LRP1B: variants seen among roughly 807,000 people sequenced by gnomAD.
LRP1B encodes the protein LDL receptor related protein 1B, also known as low-density lipoprotein receptor-related protein 1B.
In LRP1B, 217 loss-of-function variants were observed where a neutral mutation model predicts 556.6. That is an observed-to-expected ratio of 0.39 (90% CI 0.35 to 0.44). LRP1B has a LOEUF of 0.44. LRP1B is among the 20% of genes least tolerant of loss of function. The pLI is 1.00. For synonymous variants in LRP1B, 2,047 were observed against 1,865.8 expected (o/e 1.10, Z -2.50); for missense variants, 5,053 against 5,620.8 (o/e 0.90, Z 3.23).
intron 3 of LRP1B, among the ~76,000 whole-genome samples, chr2:141,296,344 G>A (rs1007442823): frequency 2.6e-5 from 4 of 152,106 alleles, no homozygotes; most frequent in Admixed American, 1.3e-4. Context: ...CAAGAGATAA[G>A]TATTTTCATG....
intron 2 of LRP1B, among the ~76,000 whole-genome samples, chr2:141,582,469 C>A (rs1484502884): frequency 1.3e-5 from 2 of 152,138 alleles, no homozygotes; most frequent in African/African-American, 4.8e-5. Context: ...TAGATAGTGT[C>A]TGTAGATTGA....
At chr2:141,135,220 C>G (rs570862893) in intron 7 of LRP1B, among the ~76,000 whole-genome samples, 1 of 151,898 alleles carries the variant, frequency 6.6e-6, no homozygotes, top group African/African-American at 2.4e-5. Context: ...AAAACTGTCT[C>G]CTTTTAAAAA....
In LRP1B at chr2:141,571,404, G is replaced by A. The variant is rs7576298; in HGVS notation, c.206-90871C>T. ...CAACAACAACAAAAAATGCCCCAAC[G>A]AAAACCTCATCCAAGGGTCAGCATG... On this transcript the variant is annotated intron_variant, in intron 2 of 90. Coordinates refer to ENST00000389484, the MANE Select transcript of LRP1B (RefSeq NM_018557.3). Among the ~76,000 whole-genome samples, 199 of 151,076 alleles carry A rather than the reference G, an allele frequency of 1.3e-3. 7 individuals are homozygous for A. Among genetic ancestry groups the A allele is most frequent in the Non-Finnish European group, 2.5e-3 (169 of 67,592 alleles).
At chr2:140,436,509 T>C (rs972288631) in intron 66 of LRP1B, among the ~76,000 whole-genome samples, 4 of 152,122 alleles carry the variant, frequency 2.6e-5, no homozygotes, top group African/African-American at 9.7e-5. Context: ...TATTTTACAA[T>C]TCATCTGGGA....
At chr2:141,644,268 T>C (rs1343040527) in intron 2 of LRP1B, among the ~76,000 whole-genome samples, 1 of 151,970 alleles carries the variant, frequency 6.6e-6, no homozygotes, top group Non-Finnish European at 1.5e-5. Context: ...ATGGGGCAGG[T>C]CTTCCCAGTG....
intron 82 of LRP1B, among the ~76,000 whole-genome samples, chr2:140,321,396 GCCTT>G (rs1276698177): frequency 6.6e-6 from 1 of 151,406 alleles, no homozygotes; most frequent in Non-Finnish European, 1.5e-5. Context: ...TTAGTGTTAT[GCCTT>G]CCTTCATCAG....
intron 1 of LRP1B, among the ~76,000 whole-genome samples, chr2:142,006,593 G>T (rs562270308): frequency 3.9e-5 from 6 of 152,326 alleles, no homozygotes; most frequent in African/African-American, 9.6e-5. Flanking sequence ...TAACCTGAAA[G>T]CAGAAGGCTG....
chr2:141,978,212 AAC>A (rs1701939079), intron 1 of LRP1B, among the ~76,000 whole-genome samples: 1 of 152,046 alleles, frequency 6.6e-6, no homozygotes, highest in Non-Finnish European at 1.5e-5. Context: ...ATTTCTGAAA[AAC>A]ACAACGTCTA....
chr2:140,567,607 A>T (rs1681173481), intron 43 of LRP1B, among the ~76,000 whole-genome samples: 1 of 152,116 alleles, frequency 6.6e-6, no homozygotes, highest in South Asian at 2.1e-4. Flanking sequence ...GTGAAGTTGC[A>T]CCTCATGACC....
At chr2:141,845,768 A>G (rs1468514800) in intron 1 of LRP1B, among the ~76,000 whole-genome samples, 2 of 152,012 alleles carry the variant, frequency 1.3e-5, no homozygotes, top group Non-Finnish European at 2.9e-5. Flanking sequence ...CAGAGCTAAC[A>G]TAGAAAAATA....
At chr2:140,290,860 A>G (rs1683342127) in intron 84 of LRP1B, among the ~76,000 whole-genome samples, 1 of 152,030 alleles carries the variant, frequency 6.6e-6, no homozygotes, top group Non-Finnish European at 1.5e-5. Context: ...AGAAAAATAT[A>G]TTAGACCAGG....
chr2:140,408,776 G>A (rs954078431), intron 66 of LRP1B, among the ~76,000 whole-genome samples: 1 of 151,884 alleles, frequency 6.6e-6, no homozygotes, highest in South Asian at 2.1e-4. Context: ...AGAAAAAAAT[G>A]ATATCTTTCT....
intron 34 of LRP1B, among the ~76,000 whole-genome samples, chr2:140,770,678 T>A (rs1456351137): frequency 1.3e-5 from 2 of 152,190 alleles, no homozygotes; most frequent in East Asian, 3.9e-4. Flanking sequence ...AAAATTAGAA[T>A]GTCTTATAAG....
chr2:141,465,644 G>C (rs1682161661), intron 3 of LRP1B, among the ~76,000 whole-genome samples: 1 of 150,688 alleles, frequency 6.6e-6, no homozygotes, highest in Non-Finnish European at 1.5e-5. Context: ...CCACCTCCCA[G>C]GCTCAAGCCA....
chr2:142,040,116 G>A (rs938896831), intron 1 of LRP1B, among the ~76,000 whole-genome samples: 26 of 151,438 alleles, frequency 1.7e-4, no homozygotes, highest in African/African-American at 6.3e-4. Flanking sequence ...AGAATGAAAT[G>A]AGATTGGATT....
chr2:141,080,683 C>T (rs536653145), intron 7 of LRP1B, among the ~76,000 whole-genome samples: 21 of 152,278 alleles, frequency 1.4e-4, no homozygotes, highest in African/African-American at 4.6e-4. Context: ...GATTGACCTG[C>T]GTTTTAATTT....
At chr2:140,460,727 G>T (rs1244168173) in intron 60 of LRP1B, among the ~76,000 whole-genome samples, 2 of 152,238 alleles carry the variant, frequency 1.3e-5, no homozygotes, top group South Asian at 2.1e-4. Context: ...CTATTTAAAA[G>T]CTGCTTACTA....
At chr2:141,622,027 G>A (rs1688522404) in intron 2 of LRP1B, among the ~76,000 whole-genome samples, 1 of 151,938 alleles carries the variant, frequency 6.6e-6, no homozygotes, top group South Asian at 2.1e-4. Flanking sequence ...GAGTAGCTGG[G>A]GTTACAGGCA....
At chr2:141,205,472 C>T (rs975909383) in intron 6 of LRP1B, among the ~76,000 whole-genome samples, 6 of 152,090 alleles carry the variant, frequency 3.9e-5, no homozygotes, top group Non-Finnish European at 7.3e-5. Context: ...GGATTATTTG[C>T]ATAATTTATA....
Sources: allele counts gnomAD v4.1 joint callset (sites outside exome capture counted in the v4.1 genomes callset), GRCh38; gene constraint gnomAD v4.1.1; transcripts MANE v1.5; gene names NCBI Gene and HGNC (gene_info 2026-07-23, HGNC 2026-07-21).